Variants in CWC22 observed in about 807,000 individuals in gnomAD.
CWC22 encodes CWC22 spliceosome associated protein.
Under a neutral mutation model 117.2 loss-of-function variants are expected in CWC22, and 53 were observed. The ratio of observed to expected loss-of-function variants is 0.45; its 90% CI spans 0.36 to 0.57. The LOEUF (loss-of-function observed/expected upper bound fraction) is 0.57, where lower values mean the gene tolerates loss of function less well. Among genes scored for constraint, CWC22 ranks in the 20% least tolerant of loss-of-function variants. The pLI is 0.00. For synonymous variants in CWC22, 360 were observed against 355.6 expected (o/e 1.01, Z -0.14); for missense variants, 980 against 1,068.8 (o/e 0.92, Z 1.16).
At chr2:179,963,772 A>AAAGTAG (rs1686821793) in intron 13 of CWC22, among the ~76,000 whole-genome samples, 2 of 152,228 alleles carry the variant, frequency 1.3e-5, no homozygotes, top group Non-Finnish European at 2.9e-5. Flanking sequence ...CAGACTGAAA[A>AAAGTAG]CAGATGACTC....
chr2:179,949,390 A>G (rs974452411), intron 19 of CWC22, among the ~76,000 whole-genome samples: 2 of 152,256 alleles, frequency 1.3e-5, no homozygotes, highest in Admixed American at 6.5e-5. Context: ...CCACTTGACA[A>G]CAAAAATCCA....
At chr2:180,005,754 ATT>A (rs1687955081) in intron 1 of CWC22, among the ~76,000 whole-genome samples, 1 of 152,170 alleles carries the variant, frequency 6.6e-6, no homozygotes, top group Non-Finnish European at 1.5e-5. Context: ...CATCTGCATT[ATT>A]TTTCTTTATA....
intron 4 of CWC22, among the ~76,000 whole-genome samples, chr2:179,983,937 T>C (rs1687350975): frequency 6.6e-6 from 1 of 152,084 alleles, no homozygotes; most frequent in Non-Finnish European, 1.5e-5. Context: ...GCTGATAAAA[T>C]CAGATCCCTA....
chr2:179,978,332 A>C lies in CWC22; in HGVS notation c.453-14T>G. 2 of 1,447,308 alleles carry C rather than the reference A, an allele frequency of 1.4e-6. No individual in the cohort carries two copies. The highest frequency in any genetic ancestry group is 9.1e-7 in the Non-Finnish European group (1 of 1,102,692). The allele number at this position is 1,447,308 out of a possible 1,614,324, so 89.7% of individuals were successfully genotyped here. On this transcript the variant is annotated splice_polypyrimidine_tract_variant and intron_variant, in intron 5 of 19. Coordinates refer to ENST00000410053, the MANE Select transcript of CWC22 (RefSeq NM_020943.3). Reference sequence around the variant, plus strand: ...TGGTATGCTAAGCTAAAAAGAAGTGATTTTAATAAAGATTAAAACTTAATT... The same window carrying C: ...TGGTATGCTAAGCTAAAAAGAAGTGCTTTTAATAAAGATTAAAACTTAATT...
At chr2:180,000,012 A>C (rs1024712422) in intron 1 of CWC22, among the ~76,000 whole-genome samples, 4 of 152,172 alleles carry the variant, frequency 2.6e-5, no homozygotes, top group African/African-American at 9.6e-5. Context: ...TCAGGGAACA[A>C]ATAGGAGTAA....
intron 1 of CWC22, among the ~76,000 whole-genome samples, chr2:180,003,797 T>C (rs1325528072): frequency 6.6e-6 from 1 of 152,132 alleles, no homozygotes; most frequent in Admixed American, 6.5e-5. Context: ...AGCTAACCCA[T>C]TCCACAGGAG....
In CWC22 at chr2:179,970,647, T is replaced by TA. The variant is rs201657582; in HGVS notation, c.1147+2dup. Reference sequence around the variant, plus strand: ...CTTTCCAACTAACATGCCCCGGACTTACTAAGAACATCTTCTGGATTATAG... The same window carrying TA: ...CTTTCCAACTAACATGCCCCGGACTTAACTAAGAACATCTTCTGGATTATAG... On this transcript the variant is annotated splice_region_variant and intron_variant, in intron 10 of 19. Coordinates refer to ENST00000410053, the MANE Select transcript of CWC22 (RefSeq NM_020943.3). 5,650 of 1,611,950 alleles carry TA rather than the reference T, an allele frequency of 3.5e-3. 183 individuals are homozygous for TA. The African/African-American group carries it at 0.065, about 18-fold the overall frequency.
At position 179,954,185 on chromosome 2, in the gene CWC22, A is replaced by G; in HGVS notation, c.1689+20T>C. On this transcript the variant is annotated intron_variant, in intron 16 of 19. Transcript: ENST00000410053. Reference sequence around the variant, plus strand: ...ACAGGGAATTAGGAAGGAAGTATAAATATTGACCCATGTACTTACACTCCA... The same window carrying G: ...ACAGGGAATTAGGAAGGAAGTATAAGTATTGACCCATGTACTTACACTCCA... 1 of 1,572,554 alleles carries G rather than the reference A, an allele frequency of 6.4e-7. No homozygotes were observed. The highest frequency in any genetic ancestry group is 8.7e-7 in the Non-Finnish European group (1 of 1,150,048).
At chr2:179,989,983 T>A (rs1687519631) in intron 2 of CWC22, among the ~76,000 whole-genome samples, 1 of 152,120 alleles carries the variant, frequency 6.6e-6, no homozygotes, top group African/African-American at 2.4e-5. Context: ...AAATATAAGA[T>A]CCAACTTCCT....
chr2:179,957,991 T>A (rs997468341), intron 14 of CWC22, among the ~76,000 whole-genome samples: 1 of 152,170 alleles, frequency 6.6e-6, no homozygotes, highest in South Asian at 2.1e-4. Flanking sequence ...TATCTTGTGG[T>A]GTGCCTGACA....
chr2:179,998,532 A>G (rs964009465), intron 1 of CWC22, among the ~76,000 whole-genome samples: 2 of 152,266 alleles, frequency 1.3e-5, no homozygotes, highest in African/African-American at 4.8e-5. Context: ...TGCCAAAGCC[A>G]TATATTTTGT....
chr2:179,977,788 C>T (rs1687188578), intron 6 of CWC22, among the ~76,000 whole-genome samples: 1 of 152,108 alleles, frequency 6.6e-6, no homozygotes, highest in South Asian at 2.1e-4. Flanking sequence ...CTACAAAGTA[C>T]ATATATATCA....
intron 13 of CWC22, among the ~76,000 whole-genome samples, chr2:179,959,940 T>C (rs1686702874): frequency 2.0e-5 from 3 of 152,052 alleles, no homozygotes; most frequent in Non-Finnish European, 4.4e-5. Context: ...GTATATGCAT[T>C]GAATTGTATT....
intron 6 of CWC22, among the ~76,000 whole-genome samples, chr2:179,976,911 T>C (rs1687168408): frequency 6.6e-6 from 1 of 152,132 alleles, no homozygotes; most frequent in Admixed American, 6.6e-5. Context: ...TACCAACACT[T>C]TGGGAAGCCA....
chr2:179,962,367 A>T (rs183532669), intron 13 of CWC22, among the ~76,000 whole-genome samples: 4 of 152,240 alleles, frequency 2.6e-5, no homozygotes, highest in African/African-American at 9.6e-5. Flanking sequence ...ATTACATCCT[A>T]TTCCTGATTT....
At chr2:179,950,994 A>C in intron 17 of CWC22, 68 bp from the exon 18 acceptor site, 1 of 885,774 alleles carries the variant, frequency 1.1e-6, no homozygotes, top group South Asian at 1.6e-5. Context: ...ATCCTTAGTC[A>C]TTTTTCAGAT....
chr2:179,978,846 A>C (rs1219904613), intron 5 of CWC22, among the ~76,000 whole-genome samples: 1 of 147,946 alleles, frequency 6.8e-6, no homozygotes, highest in Non-Finnish European at 1.5e-5. Context: ...GAGTCACATG[A>C]AATCATGGGG....
At chr2:179,989,105 C>G (rs1687495425) in intron 2 of CWC22, among the ~76,000 whole-genome samples, 1 of 151,812 alleles carries the variant, frequency 6.6e-6, no homozygotes, top group Admixed American at 6.6e-5. Flanking sequence ...CGCTGAGTCC[C>G]TAAAACCCAT....
chr2:179,970,421 A>G, intron 11 of CWC22, 80 bp downstream of exon 11: 1 of 1,290,078 alleles, frequency 7.8e-7, no homozygotes, highest in Non-Finnish European at 1.1e-6. Flanking sequence ...GGATCTCTAA[A>G]TATTTGCTAT....
Sources: allele counts gnomAD v4.1 joint callset (sites outside exome capture counted in the v4.1 genomes callset), GRCh38; gene constraint gnomAD v4.1.1; transcripts MANE v1.5; gene names NCBI Gene and HGNC (gene_info 2026-07-23, HGNC 2026-07-21).